The following NINJ2 variants were observed in gnomAD, a reference collection of about 807,000 sequenced individuals.
NINJ2 encodes ninjurin-2.
Under a neutral mutation model 11.7 loss-of-function variants are expected in NINJ2, and 12 were observed. The ratio of observed to expected loss-of-function variants is 1.02; its 90% CI spans 0.66 to 1.66. The LOEUF (loss-of-function observed/expected upper bound fraction) is 1.66, where lower values mean the gene tolerates loss of function less well. NINJ2 is among the 40% of genes most tolerant of loss of function. NINJ2 has a pLI of 0.00. For synonymous variants in NINJ2, 93 were observed against 76.8 expected, an observed-to-expected ratio of 1.21 and a Z score of -1.10; for missense variants, 187 against 181.8, an observed-to-expected ratio of 1.03 and a Z score of -0.16.
At chr12:653,237 G>T (rs1289390578) in intron 1 of NINJ2, among the ~76,000 whole-genome samples, 1 of 151,758 alleles carries the variant, frequency 6.6e-6, no homozygotes, top group African/African-American at 2.4e-5. Context: ...AGCCAGGATG[G>T]TCTTGATCTC....
chr12:623,580 G>A (rs1948178869), intron 1 of NINJ2, among the ~76,000 whole-genome samples: 1 of 152,242 alleles, frequency 6.6e-6, no homozygotes, highest in African/African-American at 2.4e-5. Context: ...CTTGGGCTTA[G>A]TTTGCAACCA....
At chr12:626,672 C>G (rs1948213708) in intron 1 of NINJ2, among the ~76,000 whole-genome samples, 1 of 152,174 alleles carries the variant, frequency 6.6e-6, no homozygotes, top group South Asian at 2.1e-4. Flanking sequence ...GGTTCAAATC[C>G]TGGCTTTCTC....
At chr12:615,418 G>A (rs964772228) in intron 1 of NINJ2, among the ~76,000 whole-genome samples, 4 of 152,026 alleles carry the variant, frequency 2.6e-5, no homozygotes, top group African/African-American at 9.7e-5. Flanking sequence ...GAGAAATCCC[G>A]TCTCTACCAA....
chr12:616,972 A>G (rs1445991208), intron 1 of NINJ2, among the ~76,000 whole-genome samples: 1 of 152,176 alleles, frequency 6.6e-6, no homozygotes, highest in Admixed American at 6.5e-5. Flanking sequence ...TTGGGAGGCC[A>G]AGGTTGGCGG....
intron 1 of NINJ2, among the ~76,000 whole-genome samples, chr12:632,920 G>C (rs1379115928): frequency 6.6e-6 from 1 of 152,218 alleles, no homozygotes; most frequent in East Asian, 1.9e-4. Flanking sequence ...GCCCAAACCA[G>C]AACCAAGTGT....
chr12:583,212 G>C (rs1251862210), intron 1 of NINJ2, among the ~76,000 whole-genome samples: 1 of 149,444 alleles, frequency 6.7e-6, no homozygotes. Flanking sequence ...CAGGCAGGCA[G>C]GCATGCTAGT....
intron 1 of NINJ2, chr12:642,977 C>A: frequency 6.7e-6 from 1 of 150,342 alleles, no homozygotes; most frequent in South Asian, 1.8e-4. Flanking sequence ...CCCGGCCCTC[C>A]CTCCCCAGCT....
At chr12:655,070 A>G (rs1008287354) in intron 1 of NINJ2, among the ~76,000 whole-genome samples, 4 of 152,176 alleles carry the variant, frequency 2.6e-5, no homozygotes, top group Non-Finnish European at 4.4e-5. Flanking sequence ...AATTTCCTCA[A>G]TTTGATAAAG....
At chr12:617,157 TCAC>T (rs1948102641) in intron 1 of NINJ2, among the ~76,000 whole-genome samples, 2 of 152,090 alleles carry the variant, frequency 1.3e-5, no homozygotes, top group African/African-American at 4.8e-5. Flanking sequence ...AGTGAGCTGA[TCAC>T]TCCATTGCAC....
chr12:574,332 T>A (rs774961115), intron 1 of NINJ2, among the ~76,000 whole-genome samples: 22 of 152,016 alleles, frequency 1.4e-4, no homozygotes, highest in Non-Finnish European at 2.5e-4. Context: ...TCAAAAAAAA[T>A]AATAATAATA....
intron 1 of NINJ2, among the ~76,000 whole-genome samples, chr12:601,639 G>A (rs2120909247): frequency 6.6e-6 from 1 of 152,344 alleles, no homozygotes; most frequent in African/African-American, 2.4e-5. Context: ...CAAGGCAGGT[G>A]GTTCACCTCA....
chr12:622,773 T>G (rs1478289481), intron 1 of NINJ2, among the ~76,000 whole-genome samples: 1 of 152,052 alleles, frequency 6.6e-6, no homozygotes, highest in African/African-American at 2.4e-5. Context: ...CACACACGGA[T>G]AGCTTTTCTT....
chr12:572,948 C>T (rs1947398513), intron 1 of NINJ2, among the ~76,000 whole-genome samples: 1 of 150,174 alleles, frequency 6.7e-6, no homozygotes, highest in African/African-American at 2.5e-5. Flanking sequence ...CCTCCCACTC[C>T]AGGGTTCAAG....
At chr12:610,487 G>A (rs987483948) in intron 1 of NINJ2, 39 of 1,528,442 alleles carry the variant, frequency 2.6e-5, no homozygotes, top group Non-Finnish European at 3.2e-5. Context: ...AGCGAGCACA[G>A]CCTTCTGCCC....
intron 1 of NINJ2, among the ~76,000 whole-genome samples, chr12:617,286 C>T (rs1490204762): frequency 3.9e-5 from 6 of 152,172 alleles, no homozygotes; most frequent in African/African-American, 9.7e-5. Context: ...GCCTGGGATG[C>T]GCTAAGAGGA....
At chr12:601,947 A>T (rs777816081) in intron 1 of NINJ2, among the ~76,000 whole-genome samples, 4 of 152,254 alleles carry the variant, frequency 2.6e-5, no homozygotes, top group Non-Finnish European at 5.9e-5. Flanking sequence ...CCAGTTTATT[A>T]TCTGTCTGAC....
At chr12:645,229 A>T (rs763297225) in intron 1 of NINJ2, 1 of 152,174 alleles carries the variant, frequency 6.6e-6, no homozygotes, top group Admixed American at 6.5e-5. Context: ...CCAGACAGAC[A>T]TGGGTACGGG....
chr12:663,406 G>C lies in NINJ2; in HGVS notation c.-46C>G, dbSNP rs1202984794. ...TCACACGCACCGGGTGCCGGGAACA[G>C]ACTGCGTGGGCTCCTCCAGGCTCCG... On this transcript the variant is annotated 5_prime_UTR_variant, in exon 1 of 4. Transcript: ENST00000305108. 2 of 1,614,182 alleles carry C rather than the reference G, an allele frequency of 1.2e-6. No individual in the cohort carries two copies. Among genetic ancestry groups the C allele is most frequent in the South Asian group, 2.2e-5 (2 of 91,078 alleles).
chr12:606,776 G>A (rs918465870), intron 1 of NINJ2, among the ~76,000 whole-genome samples: 28 of 152,220 alleles, frequency 1.8e-4, no homozygotes, highest in African/African-American at 6.5e-4. Flanking sequence ...TTACTGGAAG[G>A]TGTGCGCCAC....
Sources: gnomAD v4.1 joint callset for allele counts (sites outside exome capture counted in the v4.1 genomes callset) on GRCh38, gnomAD v4.1.1 for gene constraint, MANE v1.5 for transcripts, NCBI Gene and HGNC (gene_info 2026-07-23, HGNC 2026-07-21) for gene names.